The following SOCS2 variants were observed in gnomAD, a reference collection of about 807,000 sequenced individuals.
The protein encoded by SOCS2 is suppressor of cytokine signaling 2, also known as CIS-2.
In SOCS2, 10 loss-of-function variants were observed where a neutral mutation model predicts 18.6. The observed-to-expected ratio is 0.54, with a 90% CI of 0.33 to 0.91. SOCS2 has a LOEUF of 0.91. Ranked by LOEUF, SOCS2 falls within the 40% of genes least tolerant of loss-of-function variation. The pLI, the probability that SOCS2 is intolerant of heterozygous loss-of-function variation, is 0.02. For missense variants in SOCS2, 231 were observed against 247.2 expected (o/e 0.93, Z 0.44); for synonymous variants, 104 against 104.0 (o/e 1.00, Z 0.00).
At chr12:93,578,682 G>GCGCACACA (rs150815945), downstream of SOCS2, among the ~76,000 whole-genome samples, 45 of 146,558 alleles carry the variant, frequency 3.1e-4, no homozygotes, top group Non-Finnish European at 6.3e-4. Flanking sequence ...TTGCATGCTC[G>GCGCACACA]CACACACACA....
chr12:93,614,582 T>C, the SOCS2 span, among the ~76,000 whole-genome samples: 8 of 96,606 alleles, frequency 8.3e-5, 1 homozygote, highest in African/African-American at 3.4e-4. Context: ...TTTCTTTCTT[T>C]CTTTCTTTCT....
chr12:93,611,987 A>G, the SOCS2 span, among the ~76,000 whole-genome samples: 1 of 151,826 alleles, frequency 6.6e-6, no homozygotes. Context: ...TACTGGTTAT[A>G]CTTTTGATTG....
At chr12:93,617,990 G>A in the SOCS2 span, among the ~76,000 whole-genome samples, 1 of 152,194 alleles carries the variant, frequency 6.6e-6, no homozygotes, top group Non-Finnish European at 1.5e-5. Context: ...AATGGGATCT[G>A]GTGGAAGATG....
the SOCS2 span, among the ~76,000 whole-genome samples, chr12:93,626,117 T>C: frequency 6.6e-6 from 1 of 152,204 alleles, no homozygotes; most frequent in Non-Finnish European, 1.5e-5. Flanking sequence ...GATCATTGCT[T>C]AGATCTTTCT....
the SOCS2 span, among the ~76,000 whole-genome samples, chr12:93,620,839 C>G: frequency 2.0e-5 from 3 of 152,254 alleles, no homozygotes; most frequent in African/African-American, 7.2e-5. Flanking sequence ...CTTTGACACT[C>G]TATTTTGTAA....
the SOCS2 span, among the ~76,000 whole-genome samples, chr12:93,613,105 G>C: frequency 6.6e-6 from 1 of 152,210 alleles, no homozygotes; most frequent in Non-Finnish European, 1.5e-5. Context: ...AGCCCTGCAA[G>C]AAAGGGCAAT....
chr12:93,619,283 C>A, the SOCS2 span, among the ~76,000 whole-genome samples: 1 of 152,134 alleles, frequency 6.6e-6, no homozygotes, highest in South Asian at 2.1e-4. Flanking sequence ...ATTTCCTGGC[C>A]AAGCCCAACT....
chr12:93,613,136 AAT>A, the SOCS2 span, among the ~76,000 whole-genome samples: 1 of 152,238 alleles, frequency 6.6e-6, no homozygotes, highest in Non-Finnish European at 1.5e-5. Flanking sequence ...AGAGGAAGCC[AAT>A]ATCTGAAGGC....
At chr12:93,590,841 A>G in the SOCS2 span, among the ~76,000 whole-genome samples, 1 of 148,602 alleles carries the variant, frequency 6.7e-6, no homozygotes, top group Non-Finnish European at 1.5e-5. Flanking sequence ...CCCAGTGTAC[A>G]CATGAAAAGT....
Position 93,582,997 on chromosome 12 carries a change from TTTG to T in SOCS2, c.117-23_117-21del, listed in dbSNP as rs1188308602. On this transcript the variant is annotated intron_variant, in intron 1 of 1. Coordinates refer to the SOCS2 transcript ENST00000549510. ...ATATACTTCCTTCTTAACTCTGGGT[TTTG>T]TTTTTTTTTTTTTTTTTCACAGCCA... 4.1e-5 allele frequency: 6 copies of T among 147,246 alleles called. No homozygotes were observed. In the East Asian group the frequency reaches 1.0e-3, roughly 25 times the overall value. 9.1% of individuals were successfully genotyped at this position (147,246 alleles called of 1,614,324 possible).
At chr12:93,611,266 C>A in the SOCS2 span, among the ~76,000 whole-genome samples, 1 of 152,248 alleles carries the variant, frequency 6.6e-6, no homozygotes, top group East Asian at 1.9e-4. Flanking sequence ...GAGACGGAGT[C>A]TCACTTTGCC....
chr12:93,620,180 T>C, the SOCS2 span, among the ~76,000 whole-genome samples: 1 of 152,214 alleles, frequency 6.6e-6, no homozygotes, highest in African/African-American at 2.4e-5. Context: ...AAATGATACA[T>C]TTTTACATAT....
downstream of SOCS2, among the ~76,000 whole-genome samples, chr12:93,584,785 G>A (rs1451143621): frequency 6.6e-6 from 1 of 151,072 alleles, no homozygotes; most frequent in African/African-American, 2.4e-5. Context: ...TTTTTGAGAC[G>A]GAGTTTCGCT....
chr12:93,623,200 C>T, the SOCS2 span, among the ~76,000 whole-genome samples: 2,010 of 152,124 alleles, frequency 0.013, 23 homozygotes, highest in Middle Eastern at 0.078. Flanking sequence ...GGAGTTCTCA[C>T]GAGATCTGAT....
the SOCS2 span, among the ~76,000 whole-genome samples, chr12:93,624,613 G>A: frequency 2.0e-5 from 3 of 151,962 alleles, no homozygotes; most frequent in African/African-American, 7.3e-5. Flanking sequence ...CAGTTCTTAG[G>A]TGTTTTGTTA....
the SOCS2 span, among the ~76,000 whole-genome samples, chr12:93,611,685 T>C: frequency 1.3e-5 from 2 of 152,214 alleles, no homozygotes; most frequent in African/African-American, 2.4e-5. Flanking sequence ...CCAGGAGTCA[T>C]ATTTTATTCT....
the SOCS2 span, among the ~76,000 whole-genome samples, chr12:93,595,446 G>C: frequency 6.6e-6 from 1 of 152,082 alleles, no homozygotes; most frequent in Non-Finnish European, 1.5e-5. Flanking sequence ...AGGCCAGTTT[G>C]TTGTCAACTT....
chr12:93,607,750 T>G, the SOCS2 span, among the ~76,000 whole-genome samples: 2,319 of 152,274 alleles, frequency 0.015, 71 homozygotes, highest in African/African-American at 0.053. Context: ...ACGCTGTCAT[T>G]TGTTTGTTTT....
At chr12:93,614,603 CTTTCTTTCT>C in the SOCS2 span, among the ~76,000 whole-genome samples, 1 of 109,146 alleles carries the variant, frequency 9.2e-6, no homozygotes, top group Non-Finnish European at 1.8e-5. Flanking sequence ...TTCTTTCTTT[CTTTCTTTCT>C]TTCTTTCTTT....
Sources: gnomAD v4.1 joint callset for allele counts (sites outside exome capture counted in the v4.1 genomes callset) on GRCh38, gnomAD v4.1.1 for gene constraint, MANE v1.5 for transcripts, NCBI Gene and HGNC (gene_info 2026-07-23, HGNC 2026-07-21) for gene names.